KCNK5: variants seen among roughly 807,000 people sequenced by gnomAD.
KCNK5 encodes potassium two pore domain channel subfamily K member 5.
KCNK5 carries 18 observed loss-of-function variants against 32.9 expected under a neutral mutation model. The observed-to-expected ratio is 0.55, with a 90% CI of 0.38 to 0.81. The LOEUF is 0.81. Among genes scored for constraint, KCNK5 ranks in the 30% least tolerant of loss-of-function variants. The probability of loss-of-function intolerance (pLI) is 0.00; values close to 1 mark genes in which losing one functional copy is unlikely to be tolerated. For synonymous variants in KCNK5, 276 were observed against 275.3 expected (o/e 1.00, Z -0.03); for missense variants, 507 against 651.0 (o/e 0.78, Z 2.41).
At position 39,191,383 on chromosome 6, in the gene KCNK5, G is replaced by C. The variant is rs901916592; in HGVS notation, c.1007C>G (p.Ala336Gly). 4 of 1,613,330 alleles carry C rather than the reference G, an allele frequency of 2.5e-6. No individual in the cohort carries two copies. Among genetic ancestry groups the C allele is most frequent in the Non-Finnish European group, 3.4e-6 (4 of 1,180,020 alleles). ...GLGPQGGGLPALPPSLVPLVV... is the reference protein window; with the variant it reads ...GLGPQGGGLPGLPPSLVPLVV... Reference sequence around the variant, plus strand: ...CAGGGGCACCAGGGAAGGGGGCAGTGCTGGGAGCCCACCGCCTTGAGGCCC... The same window carrying C: ...CAGGGGCACCAGGGAAGGGGGCAGTCCTGGGAGCCCACCGCCTTGAGGCCC... The change falls in exon 5 of 5, where the codon GCA becomes GGA. Residue 336 changes from alanine to glycine, a missense_variant. By Grantham distance (60) the Ala-to-Gly change is moderately conservative. Transcript: ENST00000359534. This position sits in a 1 kb window ranked among gnomAD's most constrained non-coding sequence, Gnocchi z 5.8.
chr6:39,218,012 G>T (rs1304938684), intron 1 of KCNK5, among the ~76,000 whole-genome samples: 1 of 151,548 alleles, frequency 6.6e-6, no homozygotes, highest in Non-Finnish European at 1.5e-5. Context: ...TCAGTTTAGT[G>T]TAAGTAGAAG....
intron 1 of KCNK5, among the ~76,000 whole-genome samples, chr6:39,207,498 T>C (rs1771249568): frequency 6.6e-6 from 1 of 152,112 alleles, no homozygotes; most frequent in East Asian, 1.9e-4. Context: ...ACAGTGCGGG[T>C]TGATGACTGT....
At chr6:39,228,592 C>T (rs537392053) in intron 1 of KCNK5, among the ~76,000 whole-genome samples, 35 of 152,282 alleles carry the variant, frequency 2.3e-4, no homozygotes, top group African/African-American at 7.9e-4. Context: ...AAGATAAACG[C>T]CTTTATCCGT....
intron 1 of KCNK5, among the ~76,000 whole-genome samples, chr6:39,206,551 C>T (rs181324977): frequency 2.6e-5 from 4 of 152,274 alleles, no homozygotes; most frequent in East Asian, 1.9e-4. Flanking sequence ...GTGCAGTTCC[C>T]GGGCCGCCCA....
chr6:39,192,792 G>A (rs566859641), intron 4 of KCNK5, among the ~76,000 whole-genome samples: 14 of 152,244 alleles, frequency 9.2e-5, no homozygotes, highest in African/African-American at 3.4e-4. Context: ...TGTCGTTGAC[G>A]ACTACATGTA....
At chr6:39,208,079 CTG>C (rs1452030607) in intron 1 of KCNK5, among the ~76,000 whole-genome samples, 1 of 152,170 alleles carries the variant, frequency 6.6e-6, no homozygotes, top group Non-Finnish European at 1.5e-5. Context: ...CCCTCTCCCC[CTG>C]TGCCTGTGGC....
intron 1 of KCNK5, among the ~76,000 whole-genome samples, chr6:39,198,007 T>C (rs574104437): frequency 1.3e-5 from 2 of 152,194 alleles, no homozygotes; most frequent in East Asian, 1.9e-4. Flanking sequence ...AACTTCAAAA[T>C]GGGGAGAGGA....
chr6:39,195,450 C>G (rs1431964033), intron 2 of KCNK5, among the ~76,000 whole-genome samples: 1 of 152,214 alleles, frequency 6.6e-6, no homozygotes, highest in South Asian at 2.1e-4. Flanking sequence ...GGAGCCCAAG[C>G]AAGAACCAGC....
intron 1 of KCNK5, among the ~76,000 whole-genome samples, chr6:39,207,710 C>T (rs1359834926): frequency 2.0e-5 from 3 of 152,080 alleles, no homozygotes; most frequent in Admixed American, 2.0e-4. Context: ...CCAGCTCTCC[C>T]CATGCATTGC....
At position 39,229,402 on chromosome 6, in the gene KCNK5, C is replaced by G. The variant is rs1376478831; in HGVS notation, c.-291G>C. 1 of 457,314 alleles carries G rather than the reference C, an allele frequency of 2.2e-6. No individual in the cohort carries two copies. The highest frequency in any genetic ancestry group is 4.0e-6 in the Non-Finnish European group (1 of 248,374). 28.3% of individuals were successfully genotyped at this position (457,314 alleles called of 1,614,324 possible). A position where few individuals can be genotyped will look rare whatever the true frequency, so the allele number is the denominator to read the frequency against. ...GGATGCGTAAGGAGCGGGAAGAACA[C>G]AGGACTTGACTCTGGGCAGACACGT... On this transcript the variant is annotated 5_prime_UTR_variant, in exon 1 of 5. Coordinates refer to ENST00000359534, the MANE Select transcript of KCNK5 (RefSeq NM_003740.4).
At chr6:39,210,510 T>C (rs1771316159) in intron 1 of KCNK5, among the ~76,000 whole-genome samples, 1 of 152,138 alleles carries the variant, frequency 6.6e-6, no homozygotes, top group Non-Finnish European at 1.5e-5. Context: ...CCCCGACCCA[T>C]GCACAGGGCA....
At chr6:39,221,735 G>A (rs541989158) in intron 1 of KCNK5, among the ~76,000 whole-genome samples, 1 of 152,300 alleles carries the variant, frequency 6.6e-6, no homozygotes, top group East Asian at 1.9e-4. Context: ...CAGGGGCTGT[G>A]TTTTGTTTGG....
intron 1 of KCNK5, among the ~76,000 whole-genome samples, chr6:39,198,455 G>A (rs999254893): frequency 6.6e-6 from 1 of 152,164 alleles, no homozygotes; most frequent in African/African-American, 2.4e-5. Context: ...CATAGCAATG[G>A]CAGTATCAAG....
intron 1 of KCNK5, among the ~76,000 whole-genome samples, chr6:39,218,938 G>A (rs1223931043): frequency 6.6e-6 from 1 of 152,330 alleles, no homozygotes; most frequent in East Asian, 1.9e-4. Flanking sequence ...TGCCCTCTTG[G>A]TTTCCACAGA....
intron 1 of KCNK5, among the ~76,000 whole-genome samples, chr6:39,196,882 G>A (rs929716018): frequency 1.3e-5 from 2 of 152,226 alleles, no homozygotes; most frequent in South Asian, 2.1e-4. Flanking sequence ...TGCGAGGAGC[G>A]GTGGGGCAGA....
rs761266389 is a variant in KCNK5 at position 39,191,537 on chromosome 6, A to T, written c.853T>A (p.Ser285Thr). 1.2e-6 allele frequency: 2 copies of T among 1,613,744 alleles called. No individual in the cohort carries two copies. The highest frequency in any genetic ancestry group is 2.7e-5 in the African/African-American group (2 of 74,854). The change falls in exon 5 of 5, where the codon TCC becomes ACC. Residue 285 changes from serine (S) to threonine (T), a missense_variant. By Grantham distance (58) the Ser-to-Thr change is moderately conservative. This residue lies in a region of KCNK5 where 42 missense variants were observed against 35.3 expected (regional missense o/e 1.19). Coordinates refer to ENST00000359534, the MANE Select transcript of KCNK5 (RefSeq NM_003740.4). This position sits in a 1 kb window ranked among gnomAD's most constrained non-coding sequence, Gnocchi z 5.8. ...KALQVKGSTASKDVNIFSFLS... is the reference protein window; with the variant it reads ...KALQVKGSTATKDVNIFSFLS... ...AAGCTGAAGATGTTGACGTCCTTGG[A>T]GGCTGTGCTCCCCTTCACCTGCAGG...
rs1541816 is a variant in KCNK5 at position 39,194,451 on chromosome 6, G to A, written c.466-114C>T. The A allele has an allele frequency of 0.51, 724,879 of 1,433,316 alleles. 187,089 individuals carry two copies. Among genetic ancestry groups the A allele is most frequent in the East Asian group, 0.76 (33,016 of 43,534 alleles). The allele number at this position is 1,433,316 out of a possible 1,614,324, so 88.8% of individuals were successfully genotyped here. On this transcript the variant is annotated intron_variant, in intron 3 of 4. Coordinates refer to ENST00000359534, the MANE Select transcript of KCNK5 (RefSeq NM_003740.4). This position sits in a 1 kb window ranked among gnomAD's most constrained non-coding sequence, Gnocchi z 4.7. ...GAGAAGCTAGCTGGGTACCCAGCCTGACCCGGGAGGGCAAGGAGCTCTGAA... is the reference window on the plus strand; with the variant it reads ...GAGAAGCTAGCTGGGTACCCAGCCTAACCCGGGAGGGCAAGGAGCTCTGAA...
rs777605923 is a variant in KCNK5 at position 39,191,116 on chromosome 6, G to A, written c.1274C>T (p.Thr425Met). 2.4e-5 allele frequency: 38 copies of A among 1,614,208 alleles called. 1 individual carries two copies. Among genetic ancestry groups the A allele is most frequent in the Non-Finnish European group, 2.9e-5 (34 of 1,180,038 alleles). ...FQDASITFVNTEAGLSDEETS... is the reference protein window; with the variant it reads ...FQDASITFVNMEAGLSDEETS... ...CTCCTCGTCTGAGAGGCCAGCCTCC[G>A]TGTTCACGAAGGTGATGCTGGCGTC... Residue 425 changes from threonine (T) to methionine (M), a missense_variant, in exon 5 of 5, where the codon ACG (threonine) becomes ATG (methionine). Around this residue, in one of 6 missense-constraint regions of KCNK5, gnomAD observed 252 missense variants for 250.8 expected, o/e 1.00. Coordinates refer to ENST00000359534, the MANE Select transcript of KCNK5 (RefSeq NM_003740.4). The surrounding 1 kb of genome is among the most constrained non-coding windows in gnomAD (Gnocchi z 5.8).
chr6:39,225,182 G>C (rs374008087), intron 1 of KCNK5, among the ~76,000 whole-genome samples: 2 of 152,196 alleles, frequency 1.3e-5, no homozygotes, highest in African/African-American at 4.8e-5. Flanking sequence ...CCAGCAGCTC[G>C]GAGTGTAGCC....
Sources: allele counts gnomAD v4.1 joint callset (sites outside exome capture counted in the v4.1 genomes callset), GRCh38; gene constraint gnomAD v4.1.1; regional missense constraint gnomAD v4.1.1; non-coding constraint Gnocchi (gnomAD v3.1); transcripts MANE v1.5; gene names NCBI Gene and HGNC (gene_info 2026-07-23, HGNC 2026-07-21).